The following RASSF3 variants were observed in gnomAD, a reference collection of about 807,000 sequenced individuals.
RASSF3 encodes Ras association domain family member 3.
In RASSF3, 19 loss-of-function variants were observed where a neutral mutation model predicts 19.9. The observed-to-expected ratio is 0.96, with a 90% CI of 0.67 to 1.40. The LOEUF is 1.40. RASSF3 is among the 40% of genes most tolerant of loss of function. The pLI is 0.00. For synonymous variants in RASSF3, 110 were observed against 104.2 expected, an observed-to-expected ratio of 1.06 and a Z score of -0.34; for missense variants, 306 against 289.8, an observed-to-expected ratio of 1.06 and a Z score of -0.41.
chr12:64,676,203 G>C (rs560684815), intron 1 of RASSF3, among the ~76,000 whole-genome samples: 1 of 124,276 alleles, frequency 8.0e-6, no homozygotes, highest in African/African-American at 3.0e-5. Flanking sequence ...ACGGAGTTTC[G>C]CTCTTGTTGC....
intron 1 of RASSF3, among the ~76,000 whole-genome samples, chr12:64,516,941 G>A (rs1868377225): frequency 7.1e-6 from 1 of 141,438 alleles, no homozygotes; most frequent in Non-Finnish European, 1.5e-5. Flanking sequence ...AGAGGTTGCA[G>A]TGAGTCTAAA....
chr12:64,528,266 C>T (rs1040652459), intron 1 of RASSF3, among the ~76,000 whole-genome samples: 2 of 152,130 alleles, frequency 1.3e-5, no homozygotes, highest in Non-Finnish European at 2.9e-5. Context: ...GAACACAAGA[C>T]CCTGTCTCAA....
At chr12:64,610,395 C>G (rs1418368691), upstream of RASSF3, 1 of 151,806 alleles carries the variant, frequency 6.6e-6, no homozygotes, top group Non-Finnish European at 1.4e-5. Context: ...GCCGGTCGCC[C>G]GTCCGGGGCG....
intron 1 of RASSF3, among the ~76,000 whole-genome samples, chr12:64,612,178 C>G (rs1179325261): frequency 1.3e-5 from 2 of 152,138 alleles, no homozygotes; most frequent in East Asian, 3.9e-4. Flanking sequence ...ATTGCATTTG[C>G]TTATGCTTTT....
At chr12:64,677,162 T>C (rs1433397474) in intron 1 of RASSF3, among the ~76,000 whole-genome samples, 2 of 152,224 alleles carry the variant, frequency 1.3e-5, no homozygotes, top group African/African-American at 4.8e-5. Flanking sequence ...TTATAGTCTG[T>C]ATTTGCAATG....
At chr12:64,569,985 A>C (rs1869492664) in intron 2 of RASSF3, among the ~76,000 whole-genome samples, 2 of 151,974 alleles carry the variant, frequency 1.3e-5, no homozygotes, top group African/African-American at 4.8e-5. Flanking sequence ...ACAACAACAA[A>C]AACATCTTTA....
At chr12:64,691,440 CTG>C (rs1351303069) in intron 3 of RASSF3, 28 bp from the exon 4 acceptor site, 3 of 1,449,014 alleles carry the variant, frequency 2.1e-6, no homozygotes, top group African/African-American at 2.8e-5. Flanking sequence ...GCTGAATACT[CTG>C]TAACATGCTG....
intron 1 of RASSF3, among the ~76,000 whole-genome samples, chr12:64,534,900 G>C (rs1020424639): frequency 6.6e-6 from 1 of 152,138 alleles, no homozygotes; most frequent in Non-Finnish European, 1.5e-5. Context: ...CCAGTAAGTA[G>C]TTGTATTTCT....
intron 1 of RASSF3, among the ~76,000 whole-genome samples, chr12:64,672,516 G>A (rs1482375573): frequency 2.0e-5 from 3 of 151,860 alleles, no homozygotes; most frequent in South Asian, 4.1e-4. Context: ...GTGAGCTATC[G>A]CACCCAGCCT....
At chr12:64,603,103 A>T (rs180979788) in intron 2 of RASSF3, among the ~76,000 whole-genome samples, 1 of 152,260 alleles carries the variant, frequency 6.6e-6, no homozygotes, top group African/African-American at 2.4e-5. Context: ...TGTCTCAAAA[A>T]AAAAGAAAAA....
intron 2 of RASSF3, among the ~76,000 whole-genome samples, chr12:64,591,491 A>G (rs888168121): frequency 1.3e-5 from 2 of 151,982 alleles, no homozygotes; most frequent in South Asian, 4.1e-4. Context: ...AAAAAAGTCA[A>G]CCTGAGAGAG....
rs201737911 is a variant in RASSF3 at position 64,580,575 on chromosome 12, AACACAC to A, written c.294+38904_294+38909del. Among the ~76,000 whole-genome samples, 244 of 141,400 alleles carry A rather than the reference AACACAC, an allele frequency of 1.7e-3. 1 individual carries two copies. The highest frequency in any genetic ancestry group is 4.4e-3 in the Admixed American group (61 of 13,918). 92.8% of individuals were successfully genotyped at this position (141,400 alleles called of 152,430 possible). A position where few individuals can be genotyped will look rare whatever the true frequency, so the allele number is the denominator to read the frequency against. Reference sequence around the variant, plus strand: ...TGAGACCTTGTCTCTTTTTTAGGAAAACACACACACACACACACACACACACACACA... The same window carrying A: ...TGAGACCTTGTCTCTTTTTTAGGAAAACACACACACACACACACACACACA... On this transcript the variant is annotated intron_variant, in intron 2 of 5. Coordinates refer to the RASSF3 transcript ENST00000637125.
intron 1 of RASSF3, among the ~76,000 whole-genome samples, chr12:64,619,462 C>G (rs1870669251): frequency 6.6e-6 from 1 of 152,036 alleles, no homozygotes; most frequent in South Asian, 2.1e-4. Context: ...TAATATTTTG[C>G]ATTTTGTGGA....
At chr12:64,559,857 A>G (rs1869319638) in intron 2 of RASSF3, among the ~76,000 whole-genome samples, 2 of 152,186 alleles carry the variant, frequency 1.3e-5, no homozygotes, top group South Asian at 4.1e-4. Context: ...CCTGCTCGCT[A>G]ATTCTTATAG....
At chr12:64,639,217 A>G (rs1174049601) in intron 1 of RASSF3, among the ~76,000 whole-genome samples, 1 of 152,216 alleles carries the variant, frequency 6.6e-6, no homozygotes, top group Non-Finnish European at 1.5e-5. Flanking sequence ...TATACACAAT[A>G]AGAAATATTT....
chr12:64,629,129 G>C (rs995093102), intron 1 of RASSF3, among the ~76,000 whole-genome samples: 1 of 150,486 alleles, frequency 6.6e-6, no homozygotes, highest in Non-Finnish European at 1.5e-5. Context: ...TTAAGACAAG[G>C]TCTCACTCTG....
chr12:64,589,322 T>C (rs907760874), intron 2 of RASSF3, among the ~76,000 whole-genome samples: 11 of 152,016 alleles, frequency 7.2e-5, no homozygotes, highest in Admixed American at 3.3e-4. Flanking sequence ...TGGTGGCACA[T>C]GCCTGTAATC....
At chr12:64,602,153 T>C (rs1194044507) in intron 2 of RASSF3, among the ~76,000 whole-genome samples, 4 of 150,968 alleles carry the variant, frequency 2.6e-5, no homozygotes, top group Non-Finnish European at 5.9e-5. Context: ...ATTCCATGCA[T>C]AGGCCAGGTG....
At chr12:64,647,433 C>T (rs1007402104) in intron 1 of RASSF3, among the ~76,000 whole-genome samples, 15 of 142,300 alleles carry the variant, frequency 1.1e-4, no homozygotes, top group African/African-American at 1.8e-4. Context: ...TTTGGTGAGA[C>T]GGGGTCTTGC....
Sources: gnomAD v4.1 joint callset for allele counts (sites outside exome capture counted in the v4.1 genomes callset) on GRCh38, gnomAD v4.1.1 for gene constraint, MANE v1.5 for transcripts, NCBI Gene and HGNC (gene_info 2026-07-23, HGNC 2026-07-21) for gene names.